Variants in UGT1A6 observed in about 807,000 individuals in gnomAD.
The protein encoded by UGT1A6 is UDP glucuronosyltransferase family 1 member A6.
In UGT1A6, 32 loss-of-function variants were observed where a neutral mutation model predicts 44.4. The observed-to-expected ratio is 0.72, with a 90% CI of 0.54 to 0.97. The LOEUF (loss-of-function observed/expected upper bound fraction) is 0.97, where lower values mean the gene tolerates loss of function less well. Ranked by LOEUF, UGT1A6 falls within the 50% of genes least tolerant of loss-of-function variation. The probability of loss-of-function intolerance (pLI) is 0.00; values close to 1 mark genes in which losing one functional copy is unlikely to be tolerated. For synonymous variants in UGT1A6, 238 were observed against 248.5 expected, an observed-to-expected ratio of 0.96 and a Z score of 0.40; for missense variants, 685 against 661.9, an observed-to-expected ratio of 1.03 and a Z score of -0.38.
At chr2:233,708,191 T>G (rs2076007846) in intron 1 of UGT1A6, among the ~76,000 whole-genome samples, 1 of 152,240 alleles carries the variant, frequency 6.6e-6, no homozygotes, top group African/African-American at 2.4e-5. Context: ...CGTGCACATT[T>G]TAAATGTCAT....
intron 1 of UGT1A6, among the ~76,000 whole-genome samples, chr2:233,763,208 C>A (rs998860630): frequency 1.3e-5 from 2 of 152,170 alleles, no homozygotes; most frequent in Non-Finnish European, 2.9e-5. Flanking sequence ...TGCAGTCAGG[C>A]TTAGGTGTGA....
chr2:233,708,857 C>T (rs986114849), intron 1 of UGT1A6, among the ~76,000 whole-genome samples: 45 of 151,194 alleles, frequency 3.0e-4, no homozygotes, highest in African/African-American at 1.1e-3. Flanking sequence ...CTTTTTTAAT[C>T]TCTTTTATTG....
chr2:233,757,115 C>G lies in UGT1A6; in HGVS notation c.862-9919C>G, dbSNP rs11568319. ...CAGAGGGAGGGGGCAAGCAGAAGGG[C>G]TAGAGAGGAGGAATGAGCTTGGACA... On this transcript the variant is annotated intron_variant, in intron 1 of 4. Transcript: ENST00000305139. 7.2e-4 allele frequency among the ~76,000 whole-genome samples: 109 copies of G among 150,950 alleles called. 1 individual carries two copies. In the East Asian group the frequency reaches 0.02, roughly 28 times the overall value.
upstream of UGT1A6, chr2:233,692,488 G>A: frequency 6.0e-6 from 1 of 166,024 alleles, no homozygotes; most frequent in East Asian, 1.9e-4. Flanking sequence ...GGGCAGTCTT[G>A]TAGGACTGAG....
rs376278520 is a variant in UGT1A6, at chr2:233,729,272, G to A, written c.861+35407G>A. The A allele has an allele frequency of 1.9e-5, 30 of 1,614,080 alleles. No homozygotes were observed. The highest frequency in any genetic ancestry group is 9.3e-5 in the African/African-American group (7 of 74,926). ...TGGCTCAGCATGCGGGAGGTCTTGC[G>A]GGAGCTCCATGCCAGAGGCCACCAG... On this transcript the variant is annotated intron_variant, in intron 1 of 4. Coordinates refer to ENST00000305139, the MANE Select transcript of UGT1A6 (RefSeq NM_001072.4).
At chr2:233,762,417 C>T (rs1698066612) in intron 1 of UGT1A6, among the ~76,000 whole-genome samples, 1 of 152,158 alleles carries the variant, frequency 6.6e-6, no homozygotes, top group Admixed American at 6.5e-5. Flanking sequence ...GCTTTTTCTA[C>T]AAAATAGAGT....
chr2:233,708,960 C>A (rs911786556), intron 1 of UGT1A6, among the ~76,000 whole-genome samples: 3 of 152,094 alleles, frequency 2.0e-5, no homozygotes, highest in African/African-American at 7.2e-5. Flanking sequence ...TATATGTTTC[C>A]ATTTCTTGTC....
chr2:233,737,953 A>T (rs1429614905), intron 1 of UGT1A6, among the ~76,000 whole-genome samples: 2 of 152,112 alleles, frequency 1.3e-5, no homozygotes, highest in Non-Finnish European at 2.9e-5. Context: ...GTTTCCCAAC[A>T]TGAGGTCACA....
intron 1 of UGT1A6, among the ~76,000 whole-genome samples, chr2:233,727,013 TTG>T (rs1300026123): frequency 1.2e-4 from 18 of 152,218 alleles, no homozygotes; most frequent in African/African-American, 3.9e-4. Context: ...TTATCATTTG[TTG>T]TTTTTGTACC....
intron 1 of UGT1A6, among the ~76,000 whole-genome samples, chr2:233,695,066 C>A (rs575360718): frequency 1.3e-5 from 2 of 152,204 alleles, no homozygotes; most frequent in African/African-American, 4.8e-5. Flanking sequence ...TGTGCTATCG[C>A]ACTTTGGACT....
At chr2:233,751,830 G>A (rs571499151) in intron 1 of UGT1A6, among the ~76,000 whole-genome samples, 82 of 152,290 alleles carry the variant, frequency 5.4e-4, no homozygotes, top group Non-Finnish European at 9.3e-4. Flanking sequence ...CCAGCCATGT[G>A]GAACTGAGTC....
intron 1 of UGT1A6, among the ~76,000 whole-genome samples, chr2:233,757,560 A>ATT (rs904896556): frequency 8.1e-6 from 1 of 123,146 alleles, no homozygotes; most frequent in African/African-American, 3.4e-5. Flanking sequence ...ATATATATAT[A>ATT]TGTATATATG....
At chr2:233,705,329 T>C (rs1353705236) in intron 1 of UGT1A6, among the ~76,000 whole-genome samples, 3 of 152,204 alleles carry the variant, frequency 2.0e-5, no homozygotes, top group Non-Finnish European at 4.4e-5. Context: ...AGCAACACAT[T>C]CTCTCAATTT....
At chr2:233,747,194 T>C in intron 1 of UGT1A6, 2 of 1,604,420 alleles carry the variant, frequency 1.2e-6, no homozygotes, top group Non-Finnish European at 1.7e-6. Context: ...GACAGTCAGC[T>C]GTCCGTGTCT....
rs1159793731 is a variant in UGT1A6, at chr2:233,751,025, T to C, written c.862-16009T>C. Reference sequence around the variant, plus strand: ...CCAGAATCCCAAATAGTAGATCCAATAGCTTGCACTGTGTGCCTGGAAAAG... The same window carrying C: ...CCAGAATCCCAAATAGTAGATCCAACAGCTTGCACTGTGTGCCTGGAAAAG... On this transcript the variant is annotated intron_variant, in intron 1 of 4. Transcript: ENST00000305139. 8.6e-5 allele frequency among the ~76,000 whole-genome samples: 13 copies of C among 151,868 alleles called. 1 individual carries two copies. Among genetic ancestry groups the C allele is most frequent in the African/African-American group, 2.2e-4 (9 of 41,208 alleles).
At chr2:233,748,812 T>C (rs1268165995) in intron 1 of UGT1A6, among the ~76,000 whole-genome samples, 2 of 151,274 alleles carry the variant, frequency 1.3e-5, no homozygotes. Context: ...CAAGAAATTG[T>C]GGAAGGGTCT....
intron 1 of UGT1A6, among the ~76,000 whole-genome samples, chr2:233,744,376 C>T (rs1002936325): frequency 4.0e-5 from 6 of 151,828 alleles, no homozygotes; most frequent in Non-Finnish European, 8.8e-5. Context: ...GACTGCAGTT[C>T]TCCAACGTTC....
Position 233,772,356 on chromosome 2 carries a change from A to G in UGT1A6, c.1396A>G (p.Arg466Gly). Reference protein sequence around the residue: ...LAVFWVEFVMRHKGAPHLRPA... With the variant: ...LAVFWVEFVMGHKGAPHLRPA... ...CGTGTTCTGGGTGGAGTTTGTGATG[A>G]GGCACAAGGGCGCGCCACACCTGCG... The change falls in exon 5 of 5, where the codon AGG (arginine) becomes GGG (glycine). Residue 466 changes from arginine to glycine, a missense_variant. Transcript: ENST00000305139. 6.2e-7 allele frequency: 1 copy of G among 1,614,222 alleles called. No individual in the cohort carries two copies. The highest frequency in any genetic ancestry group is 1.6e-4 in the Middle Eastern group (1 of 6,062).
chr2:233,701,891 A>G (rs955417049), intron 1 of UGT1A6, among the ~76,000 whole-genome samples: 4 of 152,178 alleles, frequency 2.6e-5, no homozygotes, highest in Non-Finnish European at 5.9e-5. Flanking sequence ...AAGAGAAAGC[A>G]GAAAAGATCT....
Sources: allele counts gnomAD v4.1 joint callset (sites outside exome capture counted in the v4.1 genomes callset), GRCh38; gene constraint gnomAD v4.1.1; transcripts MANE v1.5; gene names NCBI Gene and HGNC (gene_info 2026-07-23, HGNC 2026-07-21).